Variants in TMTC1 observed in about 807,000 individuals in gnomAD.
The protein encoded by TMTC1 is protein O-mannosyl-transferase TMTC1.
Under a neutral mutation model 104.8 loss-of-function variants are expected in TMTC1, and 73 were observed. The observed-to-expected ratio is 0.70, with a 90% confidence interval of 0.58 to 0.85. The LOEUF is 0.85. Among genes scored for constraint, TMTC1 ranks in the 40% least tolerant of loss-of-function variants. The pLI is 0.00. For missense variants in TMTC1, 1,035 were observed against 1,096.1 expected (o/e 0.94, Z 0.79); for synonymous variants, 434 against 428.7 (o/e 1.01, Z -0.15).
chr12:29,593,783 C>T (rs948833748), intron 7 of TMTC1, among the ~76,000 whole-genome samples: 6 of 152,156 alleles, frequency 3.9e-5, no homozygotes, highest in Middle Eastern at 3.2e-3. Context: ...GCATTCAAAC[C>T]TGATAAGAAA....
intron 5 of TMTC1, among the ~76,000 whole-genome samples, chr12:29,671,515 A>G (rs10466813): frequency 0.44 from 67,639 of 152,076 alleles, 15,439 homozygotes; most frequent in East Asian, 0.65. Context: ...TATTGAGTGC[A>G]TACTGTGCGA....
chr12:29,568,582 A>G (rs1434316818), intron 9 of TMTC1: 4 of 165,322 alleles, frequency 2.4e-5, no homozygotes, highest in Non-Finnish European at 5.3e-5. Flanking sequence ...TTGATTTGAC[A>G]TCAGAAGATT....
intron 5 of TMTC1, among the ~76,000 whole-genome samples, chr12:29,696,428 C>T (rs548845886): frequency 1.3e-5 from 2 of 152,240 alleles, no homozygotes; most frequent in South Asian, 4.2e-4. Context: ...CTCCAGCTAC[C>T]CCACCTTTGA....
chr12:29,584,936 A>G (rs1430138378), intron 7 of TMTC1, among the ~76,000 whole-genome samples: 5 of 150,110 alleles, frequency 3.3e-5, no homozygotes, highest in African/African-American at 7.4e-5. Context: ...ATGATTTATA[A>G]TCCTTTGGGT....
chr12:29,699,140 A>T (rs1728116148), intron 5 of TMTC1, among the ~76,000 whole-genome samples: 1 of 152,208 alleles, frequency 6.6e-6, no homozygotes, highest in South Asian at 2.1e-4. Flanking sequence ...AGAGGGAGGA[A>T]CTAGGTTTGT....
At chr12:29,741,505 C>T (rs1003438510) in intron 5 of TMTC1, among the ~76,000 whole-genome samples, 1 of 152,124 alleles carries the variant, frequency 6.6e-6, no homozygotes, top group East Asian at 1.9e-4. Flanking sequence ...ATAAGAAAAA[C>T]CAAGATCTAG....
intron 5 of TMTC1, among the ~76,000 whole-genome samples, chr12:29,706,779 T>C (rs79892348): frequency 0.016 from 2,423 of 152,324 alleles, 54 homozygotes; most frequent in African/African-American, 0.052. Flanking sequence ...TTTTTTGATA[T>C]GCTTTCACTT....
intron 5 of TMTC1, among the ~76,000 whole-genome samples, chr12:29,681,918 G>T (rs1028305547): frequency 1.3e-5 from 2 of 152,168 alleles, no homozygotes; most frequent in African/African-American, 4.8e-5. Flanking sequence ...TGTTGAAGGT[G>T]AAAGATGAGG....
chr12:29,727,388 T>A (rs177348), intron 5 of TMTC1, among the ~76,000 whole-genome samples: 56,945 of 151,938 alleles, frequency 0.37, 11,411 homozygotes, highest in Non-Finnish European at 0.46. Flanking sequence ...TATTTATTTA[T>A]TTTTTTGAGA....
chr12:29,769,954 G>A lies in TMTC1; in HGVS notation c.303-1879C>T, dbSNP rs573107124. Among the ~76,000 whole-genome samples, 4 of 151,682 alleles carry A rather than the reference G, an allele frequency of 2.6e-5. No individual in the cohort carries two copies. In the South Asian group the frequency reaches 8.3e-4, roughly 32 times the overall value. ...AGTATATATACAAATACATACATAT[G>A]TACATATACATATAAAAGATGTTAG... On this transcript the variant is annotated intron_variant, in intron 1 of 17. Coordinates refer to ENST00000539277, the MANE Select transcript of TMTC1 (RefSeq NM_001193451.2).
In TMTC1 at chr12:29,667,635, T is replaced by G. The variant is rs1183150981; in HGVS notation, c.939-34299A>C. Among the ~76,000 whole-genome samples the G allele has an allele frequency of 2.0e-5, 3 of 152,230 alleles. No homozygotes were observed. The South Asian group carries it at 6.2e-4, about 32-fold the overall frequency. ...TACTTGGCCTGCAAAAAGGTCATGA[T>G]GTTTCAGTGTCAAAGGTCAATGAGT... On this transcript the variant is annotated intron_variant, in intron 5 of 17. Coordinates refer to ENST00000539277, the MANE Select transcript of TMTC1 (RefSeq NM_001193451.2).
rs1351424016 is a variant in TMTC1 at position 29,501,310 on chromosome 12, AG to A, written c.*5535del. ...CTTTTAGGGTTGTATCATTTAAAAA[AG>A]GGGCAACATTTATGAATTATCTCAT... On this transcript the variant is annotated 3_prime_UTR_variant, in exon 18 of 18. Coordinates refer to ENST00000539277, the MANE Select transcript of TMTC1 (RefSeq NM_001193451.2). 1 of 152,244 alleles carries A rather than the reference AG, an allele frequency of 6.6e-6. No individual in the cohort carries two copies. The highest frequency in any genetic ancestry group is 1.5e-5 in the Non-Finnish European group (1 of 68,048). The allele number at this position is 152,244 out of a possible 1,614,324, so 9.4% of individuals were successfully genotyped here.
chr12:29,547,274 G>A (rs547980256), intron 10 of TMTC1, among the ~76,000 whole-genome samples: 8 of 152,254 alleles, frequency 5.3e-5, no homozygotes, highest in South Asian at 4.1e-4. Context: ...AGGTCTCCGC[G>A]GTGTTTACTG....
intron 6 of TMTC1, among the ~76,000 whole-genome samples, chr12:29,605,846 A>C (rs1177947205): frequency 1.3e-5 from 2 of 152,128 alleles, no homozygotes; most frequent in African/African-American, 4.8e-5. Context: ...CAAGTTTTTC[A>C]GCCCTTGCCT....
Position 29,783,116 on chromosome 12 carries a change from G to T in TMTC1, c.302+334C>A, listed in dbSNP as rs943125647. 13 of 281,274 alleles carry T rather than the reference G, an allele frequency of 4.6e-5. 1 individual carries two copies. The Admixed American group carries it at 6.8e-4, about 15-fold the overall frequency. 17.4% of individuals were successfully genotyped at this position (281,274 alleles called of 1,614,324 possible). A position where few individuals can be genotyped will look rare whatever the true frequency, so the allele number is the denominator to read the frequency against. On this transcript the variant is annotated intron_variant, in intron 1 of 17. Transcript: ENST00000539277. This position sits in a 1 kb window ranked among gnomAD's most constrained non-coding sequence, Gnocchi z 4.7. Reference sequence around the variant, plus strand: ...TCTGGGTCCGCGCTAGTCCCACTTGGTCACGATCCGGCAGGCGAAGGGGTG... The same window carrying T: ...TCTGGGTCCGCGCTAGTCCCACTTGTTCACGATCCGGCAGGCGAAGGGGTG...
chr12:29,574,454 T>C (rs1945766484), intron 8 of TMTC1, among the ~76,000 whole-genome samples: 1 of 152,212 alleles, frequency 6.6e-6, no homozygotes, highest in Admixed American at 6.5e-5. Context: ...AAATGGTCAC[T>C]GTACTGGTCA....
chr12:29,717,850 TATA>T (rs1392673217), intron 5 of TMTC1, among the ~76,000 whole-genome samples: 2 of 152,318 alleles, frequency 1.3e-5, no homozygotes, highest in South Asian at 2.1e-4. Context: ...AAGTGATTAT[TATA>T]ATAATTACTC....
intron 5 of TMTC1, among the ~76,000 whole-genome samples, chr12:29,706,509 A>G (rs1941748923): frequency 1.3e-5 from 2 of 152,198 alleles, no homozygotes; most frequent in Non-Finnish European, 2.9e-5. Context: ...TAGTGCCATT[A>G]GCATCAGGAT....
At chr12:29,589,962 T>C (rs7311193) in intron 7 of TMTC1, among the ~76,000 whole-genome samples, 68,187 of 152,094 alleles carry the variant, frequency 0.45, 17,557 homozygotes, top group African/African-American at 0.71. Flanking sequence ...AGGAATGGGC[T>C]AGATCTGGAA....
Sources: gnomAD v4.1 joint callset for allele counts (sites outside exome capture counted in the v4.1 genomes callset) on GRCh38, gnomAD v4.1.1 for gene constraint, Gnocchi (gnomAD v3.1) non-coding constraint, MANE v1.5 for transcripts, NCBI Gene and HGNC (gene_info 2026-07-23, HGNC 2026-07-21) for gene names.